DAB1: variants seen among roughly 807,000 people sequenced by gnomAD.
DAB1 encodes the protein disabled homolog 1.
A neutral mutation model predicts 64.6 loss-of-function variants in DAB1; 15 were observed. The observed-to-expected ratio is 0.23, with a 90% confidence interval of 0.16 to 0.36. The LOEUF is 0.36. Among genes scored for constraint, DAB1 ranks in the 10% least tolerant of loss-of-function variants. The pLI, the probability that DAB1 is intolerant of heterozygous loss-of-function variation, is 1.00. For synonymous variants in DAB1, 235 were observed against 251.9 expected, an observed-to-expected ratio of 0.93 and a Z score of 0.64; for missense variants, 596 against 706.7, an observed-to-expected ratio of 0.84 and a Z score of 1.78.
chr1:57,714,220 T>C (rs1647058547), intron 6 of DAB1, among the ~76,000 whole-genome samples: 1 of 152,156 alleles, frequency 6.6e-6, no homozygotes, highest in African/African-American at 2.4e-5. Context: ...ATCAGGTAAG[T>C]ATAATTATTT....
At chr1:57,386,064 AG>A (rs1681789340) in intron 1 of DAB1, among the ~76,000 whole-genome samples, 1 of 152,158 alleles carries the variant, frequency 6.6e-6, no homozygotes, top group Non-Finnish European at 1.5e-5. Context: ...CTGTTTCTGC[AG>A]GATAACATGG....
At chr1:57,546,271 C>T (rs1158120830) in intron 7 of DAB1, among the ~76,000 whole-genome samples, 1 of 152,090 alleles carries the variant, frequency 6.6e-6, no homozygotes, top group Non-Finnish European at 1.5e-5. Flanking sequence ...GTTAAGGTGT[C>T]TGTTAAAGCA....
intron 5 of DAB1, among the ~76,000 whole-genome samples, chr1:58,045,499 C>T (rs749899831): frequency 1.3e-5 from 2 of 152,072 alleles, no homozygotes; most frequent in Non-Finnish European, 1.5e-5. Flanking sequence ...AGATTGTTCC[C>T]GGCGATAATG....
At chr1:57,667,509 CTA>C (rs1201649839) in intron 6 of DAB1, among the ~76,000 whole-genome samples, 7 of 152,054 alleles carry the variant, frequency 4.6e-5, no homozygotes, top group Non-Finnish European at 7.4e-5. Flanking sequence ...CAGTCATTTT[CTA>C]TGTTTTGTGT....
chr1:57,320,289 T>C (rs1022108970), intron 1 of DAB1, among the ~76,000 whole-genome samples: 2 of 152,150 alleles, frequency 1.3e-5, no homozygotes, highest in African/African-American at 4.8e-5. Context: ...TCAATTAACT[T>C]CTTTCCTTCA....
intron 6 of DAB1, among the ~76,000 whole-genome samples, chr1:57,775,732 G>C (rs1009331221): frequency 6.6e-6 from 1 of 151,480 alleles, no homozygotes; most frequent in Admixed American, 6.6e-5. Flanking sequence ...TGATCATACT[G>C]ATCAAAGCTT....
chr1:58,183,123 A>G (rs1282312883), intron 4 of DAB1, among the ~76,000 whole-genome samples: 1 of 152,054 alleles, frequency 6.6e-6, no homozygotes, highest in Admixed American at 6.6e-5. Context: ...CCTGGTAAGC[A>G]TAGTGTAGTG....
At chr1:58,223,453 C>T (rs1260978087) in intron 4 of DAB1, among the ~76,000 whole-genome samples, 1 of 152,234 alleles carries the variant, frequency 6.6e-6, no homozygotes, top group Non-Finnish European at 1.5e-5. Context: ...CAAATTCTTC[C>T]TCCAGTCTCT....
intron 3 of DAB1, among the ~76,000 whole-genome samples, chr1:58,425,932 G>A (rs79218110): frequency 6.6e-6 from 1 of 152,180 alleles, no homozygotes; most frequent in East Asian, 1.9e-4. Flanking sequence ...GAATAGTCTG[G>A]GTGGTGGAAG....
intron 5 of DAB1, among the ~76,000 whole-genome samples, chr1:58,079,515 C>CTTTTTTT (rs66960756): frequency 3.5e-4 from 24 of 67,834 alleles, no homozygotes; most frequent in East Asian, 5.4e-4. Flanking sequence ...AGCATACCAT[C>CTTTTTTT]TTTTTTTTTT....
At position 57,376,870 on chromosome 1, in the gene DAB1, A is replaced by T. The variant is rs192827829; in HGVS notation, c.-137+47060T>A. ...TCTTGCTTAATGGTTCTTTTCAACA[A>T]AATTTCCCTTGTTAAACACACACAC... On this transcript the variant is annotated intron_variant, in intron 1 of 14. Coordinates refer to ENST00000371236, the MANE Select transcript of DAB1 (RefSeq NM_001365792.1). Among the ~76,000 whole-genome samples, 46 of 152,326 alleles carry T rather than the reference A, an allele frequency of 3.0e-4. 1 individual carries two copies. Among genetic ancestry groups the T allele is most frequent in the African/African-American group, 1.1e-3 (44 of 41,568 alleles).
At chr1:58,176,259 T>A (rs578221443) in intron 4 of DAB1, among the ~76,000 whole-genome samples, 3 of 152,150 alleles carry the variant, frequency 2.0e-5, no homozygotes, top group Non-Finnish European at 2.9e-5. Flanking sequence ...AAAAAACAGA[T>A]AAAGTACAGA....
chr1:57,550,471 G>A (rs1394472336), intron 7 of DAB1, among the ~76,000 whole-genome samples: 1 of 152,028 alleles, frequency 6.6e-6, no homozygotes, highest in Non-Finnish European at 1.5e-5. Context: ...CCTCTACTGA[G>A]TATTCACACC....
intron 4 of DAB1, among the ~76,000 whole-genome samples, chr1:58,236,990 C>T (rs1660071873): frequency 6.6e-6 from 1 of 152,174 alleles, no homozygotes; most frequent in East Asian, 1.9e-4. Context: ...CTTATACTCC[C>T]TCTTCCCACT....
chr1:57,195,736 T>C (rs1172094831), intron 2 of DAB1, among the ~76,000 whole-genome samples: 2 of 152,238 alleles, frequency 1.3e-5, no homozygotes, highest in African/African-American at 4.8e-5. Context: ...AGCTTCAGTT[T>C]CCTGGGCCAT....
chr1:58,207,588 G>T (rs12042296), intron 4 of DAB1, among the ~76,000 whole-genome samples: 1 of 152,226 alleles, frequency 6.6e-6, no homozygotes, highest in African/African-American at 2.4e-5. Context: ...TGGTTTACCT[G>T]TGACTGTCCT....
chr1:57,278,097 G>A (rs1158268990), intron 2 of DAB1, among the ~76,000 whole-genome samples: 1 of 152,202 alleles, frequency 6.6e-6, no homozygotes, highest in East Asian at 1.9e-4. Context: ...AGCTTTCACT[G>A]GGGTTTTATT....
intron 5 of DAB1, among the ~76,000 whole-genome samples, chr1:58,074,595 T>TATATATATATATATATATATATATA (rs1188769684): frequency 9.5e-6 from 1 of 105,352 alleles, no homozygotes; most frequent in African/African-American, 3.2e-5. Context: ...TATATATATA[T>TATATATATATATATATATATATATA]TTGAGAAACA....
At chr1:58,452,210 A>C (rs1162207933) in intron 3 of DAB1, among the ~76,000 whole-genome samples, 2 of 151,866 alleles carry the variant, frequency 1.3e-5, no homozygotes, top group African/African-American at 4.8e-5. Context: ...CTAGGATTAC[A>C]GGCGTGAGCC....
Sources: gnomAD v4.1 joint callset for allele counts (sites outside exome capture counted in the v4.1 genomes callset) on GRCh38, gnomAD v4.1.1 for gene constraint, MANE v1.5 for transcripts, NCBI Gene and HGNC (gene_info 2026-07-23, HGNC 2026-07-21) for gene names.